The following PCDH9 variants were observed in gnomAD, a reference collection of about 807,000 sequenced individuals.
PCDH9 encodes protocadherin-9.
A neutral mutation model predicts 70.6 loss-of-function variants in PCDH9; 24 were observed. That is an observed-to-expected ratio of 0.34 (90% CI 0.25 to 0.48). PCDH9 has a LOEUF of 0.48. Among genes scored for constraint, PCDH9 ranks in the 20% least tolerant of loss-of-function variants. The pLI is 0.99. For missense variants in PCDH9, 1,281 were observed against 1,503.6 expected (o/e 0.85, Z 2.45); for synonymous variants, 562 against 558.5 (o/e 1.01, Z -0.09).
chr13:67,145,487 AACAAGAAGAG>A (rs919173679), intron 2 of PCDH9, among the ~76,000 whole-genome samples: 2 of 152,082 alleles, frequency 1.3e-5, no homozygotes, highest in Admixed American at 6.6e-5. Context: ...ATTTCTTAAT[AACAAGAAGAG>A]ACTATTCATG....
At chr13:66,798,099 C>G (rs1461145675) in intron 3 of PCDH9, among the ~76,000 whole-genome samples, 1 of 151,830 alleles carries the variant, frequency 6.6e-6, no homozygotes, top group Non-Finnish European at 1.5e-5. Context: ...GAAAGTCATC[C>G]TTGGGAGTTC....
At chr13:66,310,105 G>A (rs886901711) in intron 4 of PCDH9, among the ~76,000 whole-genome samples, 12 of 151,674 alleles carry the variant, frequency 7.9e-5, no homozygotes, top group Non-Finnish European at 1.8e-4. Flanking sequence ...TAATGTCTGA[G>A]TTTGGTTATC....
At chr13:66,913,562 C>G (rs566135349) in intron 2 of PCDH9, among the ~76,000 whole-genome samples, 6 of 152,074 alleles carry the variant, frequency 3.9e-5, no homozygotes, top group African/African-American at 9.6e-5. Context: ...AGTTTCACAG[C>G]CTTGGTGGCC....
At chr13:66,929,659 C>T (rs2139658660) in intron 2 of PCDH9, among the ~76,000 whole-genome samples, 1 of 152,096 alleles carries the variant, frequency 6.6e-6, no homozygotes, top group South Asian at 2.1e-4. Context: ...TGTTCTATAC[C>T]ATAATAATTT....
intron 2 of PCDH9, among the ~76,000 whole-genome samples, chr13:67,103,599 CT>C (rs927570753): frequency 1.3e-5 from 2 of 151,306 alleles, no homozygotes; most frequent in African/African-American, 4.9e-5. Flanking sequence ...AGACTTTTTT[CT>C]TTTTTTTTCT....
rs146117570 is a variant in PCDH9, at chr13:66,669,702, A to G, written c.3139-38291T>C. ...TTAACTTGTAGTTACTTGAGCTGAT[A>G]CACCTATACTAAAGGAACAAAGGAA... On this transcript the variant is annotated intron_variant, in intron 3 of 4. Transcript: ENST00000377865. Among the ~76,000 whole-genome samples the G allele has an allele frequency of 1.3e-3, 192 of 152,288 alleles. 2 individuals are homozygous for G. The highest frequency in any genetic ancestry group is 4.4e-3 in the African/African-American group (184 of 41,570).
intron 3 of PCDH9, among the ~76,000 whole-genome samples, chr13:66,697,856 C>T (rs896691831): frequency 6.6e-6 from 1 of 152,024 alleles, no homozygotes; most frequent in Admixed American, 6.6e-5. Flanking sequence ...TTACAATAGC[C>T]AAAAGCTACA....
intron 3 of PCDH9, among the ~76,000 whole-genome samples, chr13:66,767,388 A>C (rs1375416583): frequency 2.6e-5 from 4 of 152,176 alleles, no homozygotes; most frequent in Non-Finnish European, 5.9e-5. Flanking sequence ...TCCATGTCGC[A>C]TTCAAGAACA....
At chr13:66,833,813 C>G (rs1259570082) in intron 3 of PCDH9, among the ~76,000 whole-genome samples, 2 of 152,056 alleles carry the variant, frequency 1.3e-5, no homozygotes, top group African/African-American at 4.8e-5. Context: ...GACGAAGAAA[C>G]CAGTTTTATA....
intron 3 of PCDH9, among the ~76,000 whole-genome samples, chr13:66,758,475 T>C (rs1447813046): frequency 6.6e-6 from 1 of 152,048 alleles, no homozygotes; most frequent in East Asian, 1.9e-4. Context: ...AGGTACAATG[T>C]GATGTTTTAA....
At chr13:66,493,190 A>T (rs113122562) in intron 4 of PCDH9, among the ~76,000 whole-genome samples, 1 of 152,322 alleles carries the variant, frequency 6.6e-6, no homozygotes, top group East Asian at 1.9e-4. Context: ...CTTGAAGTAA[A>T]TCTCACATTT....
chr13:67,128,695 T>C (rs1383514369), intron 2 of PCDH9, among the ~76,000 whole-genome samples: 1 of 152,194 alleles, frequency 6.6e-6, no homozygotes, highest in Non-Finnish European at 1.5e-5. Flanking sequence ...GAGCCTCTGT[T>C]ACCACTGAGG....
chr13:66,381,374 A>C (rs1260214266), intron 4 of PCDH9, among the ~76,000 whole-genome samples: 1 of 152,188 alleles, frequency 6.6e-6, no homozygotes, highest in Non-Finnish European at 1.5e-5. Flanking sequence ...AAAATGTATG[A>C]CTGTGCTCAA....
chr13:66,319,387 G>A (rs1241911320), intron 4 of PCDH9, among the ~76,000 whole-genome samples: 1 of 152,020 alleles, frequency 6.6e-6, no homozygotes, highest in Admixed American at 6.6e-5. Flanking sequence ...GAAGCGCAAT[G>A]GCAGATGAAT....
chr13:66,880,901 G>T (rs564107542), intron 3 of PCDH9, among the ~76,000 whole-genome samples: 19 of 152,238 alleles, frequency 1.2e-4, no homozygotes, highest in African/African-American at 3.6e-4. Context: ...ACAATTGCAG[G>T]TTCTACAGTC....
At chr13:67,172,487 T>C (rs2138449655) in intron 2 of PCDH9, among the ~76,000 whole-genome samples, 1 of 152,258 alleles carries the variant, frequency 6.6e-6, no homozygotes, top group South Asian at 2.1e-4. Context: ...AATAATGAGA[T>C]GACAGCTGCT....
At chr13:67,172,169 C>T (rs1355708139) in intron 2 of PCDH9, among the ~76,000 whole-genome samples, 1 of 152,152 alleles carries the variant, frequency 6.6e-6, no homozygotes, top group African/African-American at 2.4e-5. Context: ...GGCACCCTTA[C>T]TGTCCTTCAA....
chr13:66,574,343 T>C (rs1347135221), intron 4 of PCDH9, among the ~76,000 whole-genome samples: 4 of 152,188 alleles, frequency 2.6e-5, no homozygotes, highest in Non-Finnish European at 5.9e-5. Flanking sequence ...TCTCTCTCTA[T>C]GTCTTTACTG....
In PCDH9 at chr13:67,220,503, A is replaced by G. The variant is rs568283605; in HGVS notation, c.3036+4902T>C. 1.6e-4 allele frequency: 24 copies of G among 152,040 alleles called. 1 individual carries two copies. The highest frequency in any genetic ancestry group is 3.3e-4 in the Admixed American group (5 of 15,228). The allele number at this position is 152,040 out of a possible 1,614,324, so 9.4% of individuals were successfully genotyped here. A position where few individuals can be genotyped will look rare whatever the true frequency, so the allele number is the denominator to read the frequency against. ...ATGAAATCATAAGAAGATAAATGAT[A>G]GCTTGCAATTATTTAAATAATAAGA... On this transcript the variant is annotated intron_variant, in intron 2 of 4. Transcript: ENST00000377865.
Sources: allele counts gnomAD v4.1 joint callset (sites outside exome capture counted in the v4.1 genomes callset), GRCh38; gene constraint gnomAD v4.1.1; transcripts MANE v1.5; gene names NCBI Gene and HGNC (gene_info 2026-07-23, HGNC 2026-07-21).